SDK2: variants seen among roughly 807,000 people sequenced by gnomAD.
SDK2 encodes protein sidekick-2.
In SDK2, 105 loss-of-function variants were observed where a neutral mutation model predicts 253.9. The ratio of observed to expected loss-of-function variants is 0.41; its 90% confidence interval spans 0.35 to 0.49. The LOEUF (loss-of-function observed/expected upper bound fraction) is 0.49, where lower values mean the gene tolerates loss of function less well. Ranked by LOEUF, SDK2 falls within the 20% of genes least tolerant of loss-of-function variation. The pLI is 0.06. For synonymous variants in SDK2, 1,249 were observed against 1,234.9 expected (o/e 1.01, Z -0.24); for missense variants, 2,608 against 3,003.0 (o/e 0.87, Z 3.07).
At chr17:73,640,558 G>A (rs183060527) in intron 1 of SDK2, among the ~76,000 whole-genome samples, 417 of 152,240 alleles carry the variant, frequency 2.7e-3, no homozygotes, top group Non-Finnish European at 3.6e-3. Context: ...CACGACACTC[G>A]GCCTCCTGGT....
At position 73,413,248 on chromosome 17, in the gene SDK2, G is replaced by T. The variant is rs9302963; in HGVS notation, c.2484+1396C>A. ...TGTGGATGTGAGGGATCTAGGTTGC[G>T]TACTCCTTATGAGAATCTAATGCCT... On this transcript the variant is annotated intron_variant, in intron 18 of 44. Transcript: ENST00000392650. 1.1e-4 allele frequency among the ~76,000 whole-genome samples: 17 copies of T among 151,786 alleles called. No homozygotes were observed. In the South Asian group the frequency reaches 3.3e-3, roughly 30 times the overall value.
Position 73,422,215 on chromosome 17 carries a change from A to T in SDK2, c.2045+72T>A, listed in dbSNP as rs1379290748. The T allele has an allele frequency of 1.9e-6, 3 of 1,552,300 alleles. No homozygotes were observed. The East Asian group carries it at 6.9e-5, about 35-fold the overall frequency. The stretch of plus-strand genomic sequence containing the variant: ...AGGAGGAGCTGAGCCAGAATCTGCC[A>T]CATCGGTTTCGGCTGCAGCCCCTGC... On this transcript the variant is annotated intron_variant, in intron 15 of 44. Coordinates refer to ENST00000392650, the MANE Select transcript of SDK2 (RefSeq NM_001144952.2).
intron 36 of SDK2, among the ~76,000 whole-genome samples, chr17:73,377,657 G>T (rs1328959694): frequency 1.3e-4 from 19 of 143,610 alleles, no homozygotes; most frequent in African/African-American, 4.2e-4. Flanking sequence ...GAGACCTCTT[G>T]GCTGGAGTGC....
At position 73,529,660 on chromosome 17, in the gene SDK2, C is replaced by G. The variant is rs1245841055; in HGVS notation, c.65-22063G>C. Among the ~76,000 whole-genome samples the G allele has an allele frequency of 3.3e-5, 5 of 152,084 alleles. No homozygotes were observed. The East Asian group carries it at 7.7e-4, about 23-fold the overall frequency. On this transcript the variant is annotated intron_variant, in intron 1 of 44. Transcript: ENST00000392650. ...AGAAGACCAGGTGAAGCCACAGAGACACACGGGGAAGATGACCATGGGAAG... is the reference window on the plus strand; with the variant it reads ...AGAAGACCAGGTGAAGCCACAGAGAGACACGGGGAAGATGACCATGGGAAG...
At chr17:73,350,620 AGCCAGCATG>A (rs1439289479) in intron 42 of SDK2, 21 bp downstream of exon 42, 1 of 1,599,648 alleles carries the variant, frequency 6.3e-7, no homozygotes, top group African/African-American at 1.3e-5. Context: ...ACTCAAGTCC[AGCCAGCATG>A]GCTGGTGCCA....
intron 21 of SDK2, among the ~76,000 whole-genome samples, 198 bp downstream of exon 21, chr17:73,400,822 T>A (rs12449474): frequency 0.34 from 51,827 of 151,730 alleles, 10,969 homozygotes; most frequent in Non-Finnish European, 0.48. Context: ...GCTGGCTAAT[T>A]TTTGTATTTT....
At chr17:73,607,218 A>T (rs2045918667) in intron 1 of SDK2, among the ~76,000 whole-genome samples, 1 of 152,190 alleles carries the variant, frequency 6.6e-6, no homozygotes, top group Non-Finnish European at 1.5e-5. Context: ...GGAGGAAGAG[A>T]GGAGTTGTCC....
At chr17:73,522,336 G>A (rs527837852) in intron 1 of SDK2, among the ~76,000 whole-genome samples, 2 of 152,356 alleles carry the variant, frequency 1.3e-5, no homozygotes, top group African/African-American at 4.8e-5. Context: ...GGCTGCTCAT[G>A]TGCCTGGTGG....
chr17:73,394,298 A>T lies in SDK2; in HGVS notation c.3619T>A (p.Ser1207Thr). Residue 1207 changes from serine (S) to threonine (T), a missense_variant, in exon 26 of 45, where the codon TCT becomes ACT. Physicochemically the swap from Ser to Thr is moderately conservative, Grantham distance 58 (BLOSUM62 1). This residue lies in a region of SDK2 where 1,505 missense variants were observed against 1,859.1 expected (regional missense o/e 0.81). Transcript: ENST00000392650. ...CTGCTGGAGGTGGTGGCCAGTGCAG[A>T]CACATTGGTGGGGCCGGAAGAGGGA... ...SVPSSGPTNVSALATTSSSML... is the reference protein window; with the variant it reads ...SVPSSGPTNVTALATTSSSML... The T allele has an allele frequency of 1.3e-6, 2 of 1,598,914 alleles. No homozygotes were observed. The highest frequency in any genetic ancestry group is 1.7e-6 in the Non-Finnish European group (2 of 1,170,908).
rs540818006 is a variant in SDK2, at chr17:73,541,492, C to T, written c.65-33895G>A. 1.6e-4 allele frequency among the ~76,000 whole-genome samples: 24 copies of T among 152,162 alleles called. No homozygotes were observed. The highest frequency in any genetic ancestry group is 5.3e-4 in the African/African-American group (22 of 41,532). ...CACCTCTATCTTAGCAGGGCAATAC[C>T]GCACCACCCCCATTTCACAGACAAG... is the stretch of plus-strand genomic sequence containing the variant. On this transcript the variant is annotated intron_variant, in intron 1 of 44. Coordinates refer to ENST00000392650, the MANE Select transcript of SDK2 (RefSeq NM_001144952.2). The surrounding 1 kb of genome is among the most constrained non-coding windows in gnomAD (Gnocchi z 4.3).
Position 73,334,462 on chromosome 17 carries a change from A to G in SDK2, c.*4125T>C, listed in dbSNP as rs1453308352. 1 of 152,192 alleles carries G rather than the reference A, an allele frequency of 6.6e-6. No homozygotes were observed. Among genetic ancestry groups the G allele is most frequent in the African/African-American group, 2.4e-5 (1 of 41,448 alleles). The allele number at this position is 152,192 out of a possible 1,614,324, so 9.4% of individuals were successfully genotyped here. On this transcript the variant is annotated 3_prime_UTR_variant, in exon 45 of 45. Coordinates refer to ENST00000392650, the MANE Select transcript of SDK2 (RefSeq NM_001144952.2). ...CTTCTTGTGGTATATATTTCAAATC[A>G]ATTTCTTTCTTACCTTTCATTTAAA... is the stretch of plus-strand genomic sequence containing the variant.
At position 73,350,265 on chromosome 17, in the gene SDK2, A is replaced by C. The variant is rs1377747800; in HGVS notation, c.6010T>G (p.Phe2004Val). Residue 2004 changes from phenylalanine to valine, a missense_variant, in exon 43 of 45, where the codon TTC becomes GTC. Phe to Val is a conservative substitution (Grantham distance 50). Around this residue, in one of 2 missense-constraint regions of SDK2, gnomAD observed 1,103 missense variants for 1,143.9 expected, o/e 0.96. Transcript: ENST00000392650. ...NNRRLSVKNS[F>V]CRKNGLYTRS... The stretch of plus-strand genomic sequence containing the variant: ...GTGTACAGGCCGTTCTTTCGGCAGA[A>C]AGAGTTCTTGACGGAGAGCCGCCTG... The C allele has an allele frequency of 6.6e-7, 1 of 1,517,578 alleles. No individual in the cohort carries two copies. The highest frequency in any genetic ancestry group is 2.0e-5 in the Admixed American group (1 of 50,268). 94.0% of individuals were successfully genotyped at this position (1,517,578 alleles called of 1,614,324 possible).
At chr17:73,523,531 G>A (rs1183578250) in intron 1 of SDK2, among the ~76,000 whole-genome samples, 2 of 151,904 alleles carry the variant, frequency 1.3e-5, no homozygotes, top group Non-Finnish European at 2.9e-5. Flanking sequence ...CGTGAAGACA[G>A]GTGAAGATGG....
chr17:73,493,848 C>T (rs1447982934), intron 2 of SDK2, among the ~76,000 whole-genome samples: 4 of 152,210 alleles, frequency 2.6e-5, no homozygotes, highest in Non-Finnish European at 5.9e-5. Flanking sequence ...CAGCATCGCC[C>T]TGCCTGCCCC....
chr17:73,393,242 C>CAAAAAAA (rs11443969), intron 27 of SDK2, among the ~76,000 whole-genome samples: 86 of 84,396 alleles, frequency 1.0e-3, no homozygotes, highest in South Asian at 1.5e-3. Flanking sequence ...GATACTCTAT[C>CAAAAAAA]AAAAAAAAAA....
intron 2 of SDK2, among the ~76,000 whole-genome samples, chr17:73,490,317 G>T (rs532443931): frequency 1.1e-4 from 17 of 152,226 alleles, no homozygotes; most frequent in African/African-American, 3.9e-4. Context: ...CAGCACAAAG[G>T]CGTCCCAAGT....
At chr17:73,363,932 C>A (rs1240234174) in intron 38 of SDK2, among the ~76,000 whole-genome samples, 1 of 151,972 alleles carries the variant, frequency 6.6e-6, no homozygotes, top group South Asian at 2.1e-4. Context: ...CTTTGCAGAA[C>A]GAGCTGCTGG....
At chr17:73,473,706 C>T (rs375053157) in intron 2 of SDK2, among the ~76,000 whole-genome samples, 1 of 152,190 alleles carries the variant, frequency 6.6e-6, no homozygotes, top group Non-Finnish European at 1.5e-5. Flanking sequence ...ACTTTTCATA[C>T]GTTTCTTCAT....
intron 2 of SDK2, among the ~76,000 whole-genome samples, chr17:73,502,660 AC>A (rs2063899500): frequency 2.0e-5 from 3 of 152,184 alleles, no homozygotes; most frequent in African/African-American, 7.2e-5. Flanking sequence ...AAAGCTGTTT[AC>A]AAAAGAATGC....
Sources: allele counts gnomAD v4.1 joint callset (sites outside exome capture counted in the v4.1 genomes callset), GRCh38; gene constraint gnomAD v4.1.1; regional missense constraint gnomAD v4.1.1; non-coding constraint Gnocchi (gnomAD v3.1); transcripts MANE v1.5; gene names NCBI Gene and HGNC (gene_info 2026-07-23, HGNC 2026-07-21).